Variants in KCNH1 observed in about 807,000 individuals in gnomAD.
KCNH1 encodes voltage-gated delayed rectifier potassium channel KCNH1.
Under a neutral mutation model 69.2 loss-of-function variants are expected in KCNH1, and 27 were observed. The ratio of observed to expected loss-of-function variants is 0.39; its 90% CI spans 0.29 to 0.54. The LOEUF (loss-of-function observed/expected upper bound fraction) is 0.54. Ranked by LOEUF, KCNH1 falls within the 20% of genes least tolerant of loss-of-function variation. The pLI is 0.68. For missense variants in KCNH1, 798 were observed against 1,261.6 expected (o/e 0.63, Z 5.57); for synonymous variants, 456 against 487.7 (o/e 0.93, Z 0.86).
chr1:211,010,287 T>C (rs980440900), intron 6 of KCNH1, among the ~76,000 whole-genome samples: 9 of 152,012 alleles, frequency 5.9e-5, no homozygotes, highest in African/African-American at 2.2e-4. Context: ...GTTCAAGGAA[T>C]GGGAGGAGGG....
intron 3 of KCNH1, among the ~76,000 whole-genome samples, chr1:211,095,928 C>G (rs186147358): frequency 6.6e-6 from 1 of 152,058 alleles, no homozygotes; most frequent in Admixed American, 6.6e-5. Flanking sequence ...GAGCCTTGGC[C>G]GCATCAGTTT....
chr1:211,130,570 A>G (rs986683781), intron 1 of KCNH1, among the ~76,000 whole-genome samples: 1 of 152,226 alleles, frequency 6.6e-6, no homozygotes, highest in Non-Finnish European at 1.5e-5. Context: ...TGAATAAACC[A>G]AAAACAACTG....
At chr1:210,802,344 A>G (rs1684446187) in intron 8 of KCNH1, among the ~76,000 whole-genome samples, 2 of 152,226 alleles carry the variant, frequency 1.3e-5, no homozygotes. Flanking sequence ...TCCCAAAGCC[A>G]GTTGAATTTG....
intron 10 of KCNH1, among the ~76,000 whole-genome samples, chr1:210,760,054 A>G (rs899651535): frequency 6.6e-6 from 1 of 151,958 alleles, no homozygotes; most frequent in Non-Finnish European, 1.5e-5. Context: ...TAGGTTGCAC[A>G]CTCCTTACGA....
intron 7 of KCNH1, among the ~76,000 whole-genome samples, chr1:210,842,702 C>T (rs17016993): frequency 1.3e-5 from 2 of 152,060 alleles, no homozygotes; most frequent in African/African-American, 2.4e-5. Context: ...CCCTAATAGA[C>T]CCACATTCTA....
At chr1:210,834,685 T>A (rs1474279357) in intron 7 of KCNH1, among the ~76,000 whole-genome samples, 3 of 142,844 alleles carry the variant, frequency 2.1e-5, no homozygotes, top group Non-Finnish European at 3.1e-5. Context: ...AAAGTATAAT[T>A]AAAAAAAAAA....
chr1:210,900,740 A>G (rs1232853526), intron 7 of KCNH1, among the ~76,000 whole-genome samples: 1 of 152,098 alleles, frequency 6.6e-6, no homozygotes, highest in Admixed American at 6.5e-5. Context: ...AGCCACAATA[A>G]TCTTTGTACA....
intron 6 of KCNH1, among the ~76,000 whole-genome samples, chr1:211,016,681 G>A (rs950993148): frequency 4.6e-5 from 7 of 152,004 alleles, no homozygotes; most frequent in African/African-American, 7.2e-5. Context: ...GGCCGAGGCA[G>A]GCAGATCACT....
At chr1:210,797,888 C>T (rs144516946) in intron 8 of KCNH1, 128 bp from the exon 9 acceptor site, 127 of 1,026,502 alleles carry the variant, frequency 1.2e-4, no homozygotes, top group South Asian at 2.0e-4. Context: ...AAAGTCCCTG[C>T]GCTTATGGAG....
chr1:210,744,613 C>T (rs1683106497), intron 10 of KCNH1, among the ~76,000 whole-genome samples: 1 of 152,128 alleles, frequency 6.6e-6, no homozygotes, highest in African/African-American at 2.4e-5. Context: ...CACTGCACTC[C>T]AGCTTGGGCA....
At chr1:210,867,348 CACACACACACACACAT>C (rs777875785) in intron 7 of KCNH1, among the ~76,000 whole-genome samples, 6 of 130,486 alleles carry the variant, frequency 4.6e-5, no homozygotes, top group Non-Finnish European at 8.9e-5. Flanking sequence ...CACACACACA[CACACACACACACACAT>C]ATATATATAT....
chr1:210,839,999 G>A (rs970614957), intron 7 of KCNH1, among the ~76,000 whole-genome samples: 2 of 152,184 alleles, frequency 1.3e-5, no homozygotes, highest in Non-Finnish European at 2.9e-5. Flanking sequence ...GAGAGTGAGA[G>A]ACAGAGACAG....
chr1:210,860,842 A>C, intron 7 of KCNH1: 3 of 911,068 alleles, frequency 3.3e-6, no homozygotes, highest in Non-Finnish European at 5.5e-6. Flanking sequence ...AAAATAGTGA[A>C]GTACTCAGCA....
At chr1:210,912,386 T>C (rs1338040417) in intron 7 of KCNH1, among the ~76,000 whole-genome samples, 2 of 151,362 alleles carry the variant, frequency 1.3e-5, no homozygotes, top group Non-Finnish European at 2.9e-5. Flanking sequence ...TGCTCTGCAG[T>C]CAGGCCAACT....
intron 10 of KCNH1, among the ~76,000 whole-genome samples, chr1:210,758,594 G>A (rs546014417): frequency 6.6e-6 from 1 of 152,298 alleles, no homozygotes; most frequent in South Asian, 2.1e-4. Context: ...GAGAATCACA[G>A]CCCATCAAAG....
intron 6 of KCNH1, among the ~76,000 whole-genome samples, chr1:210,982,838 T>A (rs1688741105): frequency 6.6e-6 from 1 of 152,242 alleles, no homozygotes; most frequent in Non-Finnish European, 1.5e-5. Context: ...CCCTCAGGAA[T>A]CACCACACTG....
chr1:211,028,694 A>G (rs1342764606), intron 5 of KCNH1, among the ~76,000 whole-genome samples: 1 of 152,136 alleles, frequency 6.6e-6, no homozygotes, highest in Admixed American at 6.5e-5. Flanking sequence ...ATGACTAGTT[A>G]GGGGAAATGG....
intron 6 of KCNH1, among the ~76,000 whole-genome samples, chr1:210,959,327 G>A (rs1688250532): frequency 6.6e-6 from 1 of 152,194 alleles, no homozygotes; most frequent in African/African-American, 2.4e-5. Flanking sequence ...TGAGGTGTCT[G>A]TCAGTCCCTA....
At chr1:210,827,085 C>T (rs1233370998) in intron 7 of KCNH1, among the ~76,000 whole-genome samples, 1 of 152,194 alleles carries the variant, frequency 6.6e-6, no homozygotes, top group African/African-American at 2.4e-5. Context: ...TGCCTGTAAT[C>T]CCAGTATTTT....
Sources: gnomAD v4.1 joint callset for allele counts (sites outside exome capture counted in the v4.1 genomes callset) on GRCh38, gnomAD v4.1.1 for gene constraint, MANE v1.5 for transcripts, NCBI Gene and HGNC (gene_info 2026-07-23, HGNC 2026-07-21) for gene names.